The following SEMA3D variants were observed in gnomAD, a reference collection of about 807,000 sequenced individuals.
SEMA3D encodes the protein semaphorin 3D, also known as semaphorin-3D.
In SEMA3D, 84 loss-of-function variants were observed where a neutral mutation model predicts 100.1. That is an observed-to-expected ratio of 0.84 (90% confidence interval 0.70 to 1.01). The LOEUF is 1.01. Among genes scored for constraint, SEMA3D ranks in the 50% least tolerant of loss-of-function variants. SEMA3D has a pLI of 0.00. For missense variants in SEMA3D, 875 were observed against 934.1 expected, an observed-to-expected ratio of 0.94 and a Z score of 0.82; for synonymous variants, 312 against 320.7, an observed-to-expected ratio of 0.97 and a Z score of 0.29.
At chr7:85,155,101 C>G (rs1790548181) in intron 1 of SEMA3D, among the ~76,000 whole-genome samples, 2 of 151,706 alleles carry the variant, frequency 1.3e-5, no homozygotes, top group African/African-American at 4.8e-5. Context: ...TTGAAGTATA[C>G]AGAAAGCATC....
intron 14 of SEMA3D, among the ~76,000 whole-genome samples, chr7:85,018,574 G>C (rs1252758489): frequency 6.6e-6 from 1 of 151,718 alleles, no homozygotes; most frequent in Non-Finnish European, 1.5e-5. Flanking sequence ...TTACTCACAA[G>C]TGTTCTTCTT....
intron 2 of SEMA3D, among the ~76,000 whole-genome samples, chr7:85,132,162 C>T (rs1006959749): frequency 6.6e-6 from 1 of 151,714 alleles, no homozygotes; most frequent in Non-Finnish European, 1.5e-5. Flanking sequence ...GACATCCATA[C>T]CAGCTTATAA....
chr7:85,207,990 CAT>C, the SEMA3D span, among the ~76,000 whole-genome samples: 1 of 151,934 alleles, frequency 6.6e-6, no homozygotes, highest in African/African-American at 2.4e-5. Context: ...TGATATTGAA[CAT>C]GTCTTTCAAA....
chr7:85,217,526 G>A, the SEMA3D span, among the ~76,000 whole-genome samples: 3 of 152,046 alleles, frequency 2.0e-5, no homozygotes, highest in East Asian at 5.8e-4. Flanking sequence ...AAGGATAAGT[G>A]AAGAAAAGTT....
chr7:85,180,484 G>C (rs1791370772), intron 1 of SEMA3D, among the ~76,000 whole-genome samples: 1 of 151,962 alleles, frequency 6.6e-6, no homozygotes, highest in Non-Finnish European at 1.5e-5. Context: ...ACCAGAGAAT[G>C]GTTCACTATT....
At chr7:85,146,337 T>C (rs1210332381) in intron 2 of SEMA3D, among the ~76,000 whole-genome samples, 1 of 151,974 alleles carries the variant, frequency 6.6e-6, no homozygotes, top group Non-Finnish European at 1.5e-5. Flanking sequence ...GGTAGATTAC[T>C]TGAAGTCAGG....
chr7:85,030,354 C>T (rs938467799), intron 12 of SEMA3D, among the ~76,000 whole-genome samples: 1 of 151,960 alleles, frequency 6.6e-6, no homozygotes, highest in African/African-American at 2.4e-5. Flanking sequence ...CCTATAACTA[C>T]CTCCTTTTAT....
intron 2 of SEMA3D, chr7:85,142,376 A>C (rs986121899): frequency 2.2e-6 from 2 of 905,900 alleles, no homozygotes; most frequent in East Asian, 2.4e-4. Flanking sequence ...TTATTTCTCT[A>C]GACATGAAAT....
chr7:85,174,020 G>A (rs769921144), intron 1 of SEMA3D, among the ~76,000 whole-genome samples: 6 of 152,248 alleles, frequency 3.9e-5, no homozygotes, highest in Admixed American at 1.3e-4. Flanking sequence ...CAGGTGTCGA[G>A]CCAGGGCTCC....
chr7:85,234,357 C>A, the SEMA3D span, among the ~76,000 whole-genome samples: 1 of 152,196 alleles, frequency 6.6e-6, no homozygotes, highest in African/African-American at 2.4e-5. Flanking sequence ...ACTAAACTTC[C>A]TGAGAGAAAC....
At chr7:85,159,321 G>A (rs1790680910) in intron 1 of SEMA3D, among the ~76,000 whole-genome samples, 1 of 152,078 alleles carries the variant, frequency 6.6e-6, no homozygotes, top group African/African-American at 2.4e-5. Context: ...CACTCCAGGT[G>A]GTAGGACAGA....
At chr7:85,019,344 C>G (rs1214551323) in intron 14 of SEMA3D, among the ~76,000 whole-genome samples, 1 of 151,648 alleles carries the variant, frequency 6.6e-6, no homozygotes, top group African/African-American at 2.4e-5. Context: ...TGGCCTTCCC[C>G]TAGGAACCAC....
At chr7:85,050,070 GAA>G (rs1250462350) in intron 9 of SEMA3D, among the ~76,000 whole-genome samples, 6 of 107,938 alleles carry the variant, frequency 5.6e-5, no homozygotes. Context: ...GTCTTGAAGG[GAA>G]ACACACACAC....
Position 85,065,078 on chromosome 7 carries a change from C to T in SEMA3D, c.718+346G>A, listed in dbSNP as rs73703760. Among the ~76,000 whole-genome samples, 748 of 152,104 alleles carry T rather than the reference C, an allele frequency of 4.9e-3. 7 individuals are homozygous for T. Among genetic ancestry groups the T allele is most frequent in the African/African-American group, 0.017 (701 of 41,498 alleles). ...CTCTGCATCTGACAAGTTATAAGAC[C>T]TTGACCAAATTATTTCTCTGTACTT... On this transcript the variant is annotated intron_variant, in intron 8 of 18. Coordinates refer to ENST00000284136, the MANE Select transcript of SEMA3D (RefSeq NM_001384900.1).
intron 1 of SEMA3D, among the ~76,000 whole-genome samples, chr7:85,164,760 G>T (rs1009127128): frequency 6.6e-6 from 1 of 152,032 alleles, no homozygotes; most frequent in Admixed American, 6.6e-5. Flanking sequence ...TTGACAGTAG[G>T]AAATTTCAAC....
chr7:85,210,284 A>G, the SEMA3D span, among the ~76,000 whole-genome samples: 1,483 of 152,210 alleles, frequency 9.7e-3, 22 homozygotes, highest in South Asian at 0.013. Context: ...ATGGTTAATC[A>G]TTATGTAGTC....
chr7:85,178,591 T>C (rs1323788989), intron 1 of SEMA3D, among the ~76,000 whole-genome samples: 1 of 151,934 alleles, frequency 6.6e-6, no homozygotes, highest in African/African-American at 2.4e-5. Context: ...GCAGAAAAAA[T>C]TTCTAACTGG....
In SEMA3D at chr7:85,097,924, A is replaced by T; in HGVS notation, c.193T>A (p.Ser65Thr). 6.2e-7 allele frequency: 1 copy of T among 1,608,936 alleles called. No homozygotes were observed. The highest frequency in any genetic ancestry group is 1.1e-5 in the South Asian group (1 of 90,524). ...AGAGTTTGAAAATCCAGTCCTTCTG[A>T]TGAACCCAAAAAGGGAATACAGCTA... ...SNSCIPFLGS[S>T]EGLDFQTLLL... is the part of the protein sequence containing the mutation. Residue 65 changes from serine (S) to threonine (T), a missense_variant, in exon 4 of 19, where the codon TCA (serine) becomes ACA (threonine). By Grantham distance (58) the Ser-to-Thr change is moderately conservative (BLOSUM62 1). Coordinates refer to ENST00000284136, the MANE Select transcript of SEMA3D (RefSeq NM_001384900.1).
At chr7:85,142,942 CTTAG>C (rs980999430) in intron 2 of SEMA3D, 2 of 985,134 alleles carry the variant, frequency 2.0e-6, no homozygotes, top group African/African-American at 1.7e-5. Flanking sequence ...ACAATGCCAT[CTTAG>C]TTAGGAAAAG....
Sources: allele counts gnomAD v4.1 joint callset (sites outside exome capture counted in the v4.1 genomes callset), GRCh38; gene constraint gnomAD v4.1.1; transcripts MANE v1.5; gene names NCBI Gene and HGNC (gene_info 2026-07-23, HGNC 2026-07-21).